Variants in RASA3 observed in about 807,000 individuals in gnomAD.
The protein encoded by RASA3 is ras GTPase-activating protein 3.
RASA3 carries 73 observed loss-of-function variants against 110.0 expected under a neutral mutation model. That is an observed-to-expected ratio of 0.66 (90% CI 0.55 to 0.81). RASA3 has a LOEUF of 0.81. RASA3 is among the 30% of genes least tolerant of loss of function. RASA3 has a pLI of 0.00. For missense variants in RASA3, 976 were observed against 1,113.2 expected (o/e 0.88, Z 1.75); for synonymous variants, 500 against 451.4 (o/e 1.11, Z -1.37).
Position 114,056,579 on chromosome 13 carries a change from AGTGGGGGGCTCG to A in RASA3, c.174-4436_174-4425del, listed in dbSNP as rs2079249731. 2.0e-6 allele frequency: 2 copies of A among 981,410 alleles called. No individual in the cohort carries two copies. The highest frequency in any genetic ancestry group is 9.5e-5 in the South Asian group (2 of 21,028). The allele number at this position is 981,410 out of a possible 1,614,324, so 60.8% of individuals were successfully genotyped here. A position where few individuals can be genotyped will look rare whatever the true frequency, so the allele number is the denominator to read the frequency against. On this transcript the variant is annotated intron_variant, in intron 2 of 23. Transcript: ENST00000334062. The surrounding 1 kb of genome is among the most constrained non-coding windows in gnomAD (Gnocchi z 5.7). ...TCCTCTCTCTGTAACTCTGCTTGGC[AGTGGGGGGCTCG>A]GTGGGGGGAGGCCCGTGCTGGCTGG... is the stretch of plus-strand genomic sequence containing the variant.
chr13:114,106,952 C>T (rs1405025459), intron 1 of RASA3, among the ~76,000 whole-genome samples: 2 of 152,262 alleles, frequency 1.3e-5, no homozygotes, highest in South Asian at 2.1e-4. Flanking sequence ...CCAGTTAAGT[C>T]TCCAGGTAGA....
chr13:113,981,335 C>T (rs541593508), intron 23 of RASA3, among the ~76,000 whole-genome samples: 68 of 152,344 alleles, frequency 4.5e-4, no homozygotes, highest in Admixed American at 1.2e-3. Flanking sequence ...GGGTGTGCCA[C>T]TGAACCAAGG....
Position 114,050,116 on chromosome 13 carries a change from C to G in RASA3, c.277+1936G>C, listed in dbSNP as rs145325444. Among the ~76,000 whole-genome samples the G allele has an allele frequency of 6.0e-3, 909 of 152,310 alleles. 2 individuals carry two copies. The highest frequency in any genetic ancestry group is 0.018 in the African/African-American group (731 of 41,566). Reference sequence around the variant, plus strand: ...GTCAGAGGGAGAGAGGAAGAGGGAACCCTTCCGCAGCACCCAGCTTGAACG... The same window carrying G: ...GTCAGAGGGAGAGAGGAAGAGGGAAGCCTTCCGCAGCACCCAGCTTGAACG... On this transcript the variant is annotated intron_variant, in intron 3 of 23. Transcript: ENST00000334062.
rs1594341797 is a variant in RASA3, at chr13:114,024,227, G to A, written c.680+52C>T. 2.7e-6 allele frequency: 4 copies of A among 1,492,878 alleles called. No individual in the cohort carries two copies. In the East Asian group the frequency reaches 9.0e-5, roughly 34 times the overall value. 92.5% of individuals were successfully genotyped at this position (1,492,878 alleles called of 1,614,324 possible). A position where few individuals can be genotyped will look rare whatever the true frequency, so the allele number is the denominator to read the frequency against. On this transcript the variant is annotated intron_variant, in intron 8 of 23. Coordinates refer to ENST00000334062, the MANE Select transcript of RASA3 (RefSeq NM_007368.4). ...TAGTAACAAAGAACAAAAGAGCTGAGGAGTTTGGGTGAAAACTGCCAAGTT... is the reference window on the plus strand; with the variant it reads ...TAGTAACAAAGAACAAAAGAGCTGAAGAGTTTGGGTGAAAACTGCCAAGTT...
chr13:114,019,925 G>C (rs1396892194), intron 9 of RASA3, among the ~76,000 whole-genome samples: 2 of 44,758 alleles, frequency 4.5e-5, no homozygotes, highest in Non-Finnish European at 7.7e-5. Flanking sequence ...GGTGGGTGGA[G>C]CCTGTGTCCG....
intron 2 of RASA3, among the ~76,000 whole-genome samples, chr13:114,070,478 G>C (rs1011493141): frequency 1.1e-4 from 16 of 152,134 alleles, no homozygotes; most frequent in Non-Finnish European, 1.8e-4. Flanking sequence ...CCAGCTTTTG[G>C]GTTCAAGTAC....
chr13:114,104,791 T>A (rs779727491), intron 1 of RASA3, among the ~76,000 whole-genome samples: 1 of 152,114 alleles, frequency 6.6e-6, no homozygotes, highest in Non-Finnish European at 1.5e-5. Context: ...GTGCAGTGTC[T>A]GTTCTGGAGG....
At chr13:114,017,420 G>A (rs2139298254) in intron 11 of RASA3, 69 bp from the exon 12 acceptor site, 3 of 1,240,036 alleles carry the variant, frequency 2.4e-6, no homozygotes, top group Non-Finnish European at 3.4e-6. Context: ...GCAGAGCCTG[G>A]CCCCGAGCAC....
intron 18 of RASA3, among the ~76,000 whole-genome samples, chr13:114,001,320 G>C (rs903877948): frequency 6.6e-6 from 1 of 150,610 alleles, no homozygotes; most frequent in Admixed American, 6.6e-5. Flanking sequence ...ACCTGCGGCC[G>C]CGGACCTGGG....
At chr13:113,989,374 C>T (rs1463586034) in intron 22 of RASA3, among the ~76,000 whole-genome samples, 1 of 147,160 alleles carries the variant, frequency 6.8e-6, no homozygotes, top group African/African-American at 2.5e-5. Flanking sequence ...TGTCCATCCA[C>T]CCATCACTCA....
intron 1 of RASA3, among the ~76,000 whole-genome samples, chr13:114,119,509 CG>C (rs1324388592): frequency 8.6e-6 from 1 of 116,410 alleles, no homozygotes; most frequent in Admixed American, 8.3e-5. Flanking sequence ...AGCCAGGCGT[CG>C]ATCAGTGCCC....
chr13:113,981,773 G>A lies in RASA3; in HGVS notation c.2331C>T (p.Tyr777=). The change falls in exon 23 of 24, where the codon TAC becomes TAT. Residue 777 remains tyrosine, a synonymous_variant. Transcript: ENST00000334062. ...TFVIDDPQET[Y]KTLKQVIAGV... ...CAGCGATGACTTGCTTTAGCGTCTT[G>A]TAGGTCTCCTGGGGGTCGTCAATGA... is the stretch of plus-strand genomic sequence containing the variant. The A allele has an allele frequency of 1.2e-6, 2 of 1,614,122 alleles. No homozygotes were observed. Among genetic ancestry groups the A allele is most frequent in the Non-Finnish European group, 1.7e-6 (2 of 1,180,002 alleles).
At chr13:114,091,123 A>G (rs1269621655) in intron 1 of RASA3, among the ~76,000 whole-genome samples, 1 of 152,196 alleles carries the variant, frequency 6.6e-6, no homozygotes, top group Non-Finnish European at 1.5e-5. Flanking sequence ...TAGCATTTCA[A>G]CTTTAAATAA....
rs141363679 is a variant in RASA3 at position 113,981,772 on chromosome 13, T to C, written c.2332A>G (p.Lys778Glu). 1.2e-6 allele frequency: 2 copies of C among 1,613,982 alleles called. No homozygotes were observed. The highest frequency in any genetic ancestry group is 1.7e-5 in the Admixed American group (1 of 60,008). The change falls in exon 23 of 24, where the codon AAG (lysine) becomes GAG (glutamate). Residue 778 changes from lysine to glutamate, a missense_variant. Lys to Glu is a moderately conservative substitution (Grantham distance 56). Around this residue, in one of 4 missense-constraint regions of RASA3, gnomAD observed 132 missense variants for 152.8 expected, o/e 0.86. Transcript: ENST00000334062. ...CCAGCGATGACTTGCTTTAGCGTCT[T>C]GTAGGTCTCCTGGGGGTCGTCAATG... The part of the protein sequence containing the change: ...FVIDDPQETY[K>E]TLKQVIAGVG...
chr13:113,980,646 T>C (rs2052912615), intron 23 of RASA3, among the ~76,000 whole-genome samples: 1 of 152,232 alleles, frequency 6.6e-6, no homozygotes, highest in African/African-American at 2.4e-5. Context: ...AATGGGGCTG[T>C]CTCCCCAGAA....
At chr13:114,131,476 A>G (rs968758581) in intron 1 of RASA3, among the ~76,000 whole-genome samples, 2 of 152,216 alleles carry the variant, frequency 1.3e-5, no homozygotes, top group Non-Finnish European at 2.9e-5. Context: ...TAAAACAACC[A>G]GGGAAAAGCA....
rs117664352 is a variant in RASA3 at position 114,078,595 on chromosome 13, C to T, written c.56-4758G>A. Among the ~76,000 whole-genome samples the T allele has an allele frequency of 7.6e-3, 1,165 of 152,330 alleles. 8 individuals are homozygous for T. The highest frequency in any genetic ancestry group is 0.013 in the Non-Finnish European group (870 of 68,034). On this transcript the variant is annotated intron_variant, in intron 1 of 23. Coordinates refer to ENST00000334062, the MANE Select transcript of RASA3 (RefSeq NM_007368.4). ...CCTCGCATCGGCTCTGAAAACTCAA[C>T]TAACAGGAGTAAAAGGCAGCACTTA...
intron 7 of RASA3, among the ~76,000 whole-genome samples, chr13:114,025,113 G>A (rs959437827): frequency 2.0e-5 from 3 of 152,170 alleles, no homozygotes; most frequent in Non-Finnish European, 2.9e-5. Context: ...CGTCCTGCCC[G>A]GCCTCCCTCC....
In RASA3 at chr13:114,020,030, G is replaced by C. The variant is rs1391052378; in HGVS notation, c.786-1111C>G. Among the ~76,000 whole-genome samples the C allele has an allele frequency of 3.2e-4, 10 of 30,828 alleles. 1 individual carries two copies. The highest frequency in any genetic ancestry group is 2.8e-3 in the African/African-American group (8 of 2,860). The allele number at this position is 30,828 out of a possible 152,430, so 20.2% of individuals were successfully genotyped here. On this transcript the variant is annotated intron_variant, in intron 9 of 23. Coordinates refer to ENST00000334062, the MANE Select transcript of RASA3 (RefSeq NM_007368.4). ...CTGTGTCCGAGGCATTAGCAGCCCT[G>C]TCAGGTGGGTGGAGCCTGTGTCCGA...
Sources: allele counts gnomAD v4.1 joint callset (sites outside exome capture counted in the v4.1 genomes callset), GRCh38; gene constraint gnomAD v4.1.1; regional missense constraint gnomAD v4.1.1; non-coding constraint Gnocchi (gnomAD v3.1); transcripts MANE v1.5; gene names NCBI Gene and HGNC (gene_info 2026-07-23, HGNC 2026-07-21).